Variants in SAP18 observed in about 807,000 individuals in gnomAD.
SAP18 encodes Sin3A associated protein 18.
Under a neutral mutation model 18.6 loss-of-function variants are expected in SAP18, and 4 were observed. The observed-to-expected ratio is 0.21, with a 90% CI of 0.11 to 0.49. The LOEUF (loss-of-function observed/expected upper bound fraction) is 0.49. Among genes scored for constraint, SAP18 ranks in the 20% least tolerant of loss-of-function variants. The pLI is 0.98. For synonymous variants in SAP18, 112 were observed against 82.8 expected, an observed-to-expected ratio of 1.35 and a Z score of -1.92; for missense variants, 170 against 226.4, an observed-to-expected ratio of 0.75 and a Z score of 1.60.
chr13:21,140,526 C>T (rs1869410371), exon 1 of SAP18: 10 of 1,559,532 alleles, frequency 6.4e-6, no homozygotes, highest in Non-Finnish European at 8.7e-6. Flanking sequence ...AAGTGTCGAG[C>T]TTCTCCTCGC....
chr13:21,147,192 G>A (rs1869679180), exon 4 of SAP18: 6 of 1,612,456 alleles, frequency 3.7e-6, no homozygotes, highest in Admixed American at 3.4e-5. Context: ...ACAGAGTTAA[G>A]GAGATTGGCA....
chr13:21,140,572 G>A lies in SAP18; in HGVS notation c.20G>A (p.Gly7Glu), dbSNP rs775933057. The A allele has an allele frequency of 6.3e-5, 101 of 1,602,950 alleles. No individual in the cohort carries two copies. Among genetic ancestry groups the A allele is most frequent in the Non-Finnish European group, 8.1e-5 (95 of 1,174,994 alleles). Residue 7 changes from glycine to glutamate, a missense_variant, in exon 1 of 4, where the codon GGA becomes GAA. Physicochemically the swap from Gly to Glu is moderately conservative, Grantham distance 98. Transcript: ENST00000621421. ...GTGCTCATGCTCGCTGCAGGGGTCGGAGGTCAGGGCGAGCGTCTCGCAGGC... is the reference window on the plus strand; with the variant it reads ...GTGCTCATGCTCGCTGCAGGGGTCGAAGGTCAGGGCGAGCGTCTCGCAGGC...
exon 4 of SAP18, chr13:21,147,316 C>G: frequency 6.2e-7 from 1 of 1,613,570 alleles, no homozygotes; most frequent in Non-Finnish European, 8.5e-7. Flanking sequence ...GGCACCACCT[C>G]CTTCAGGGCG....
chr13:21,140,719 T>G (rs759676201), intron 1 of SAP18, 38 bp downstream of exon 1: 2 of 1,601,494 alleles, frequency 1.2e-6, no homozygotes, highest in African/African-American at 2.7e-5. Context: ...GGGAAGAGGT[T>G]GGGGATGAGT....
intron 2 of SAP18, among the ~76,000 whole-genome samples, chr13:21,141,793 A>G (rs1451754768): frequency 1.3e-5 from 2 of 151,840 alleles, no homozygotes; most frequent in South Asian, 2.1e-4. Context: ...CAGCCTCCCA[A>G]GTAGCTGGGA....
exon 1 of SAP18, chr13:21,140,523 G>A: frequency 6.4e-7 from 1 of 1,557,776 alleles, no homozygotes; most frequent in Non-Finnish European, 8.7e-7. Flanking sequence ...ATAAAGTGTC[G>A]AGCTTCTCCT....
chr13:21,144,470 G>C (rs916480849), intron 2 of SAP18, among the ~76,000 whole-genome samples: 1 of 151,574 alleles, frequency 6.6e-6, no homozygotes, highest in African/African-American at 2.4e-5. Flanking sequence ...GATTGTGGGG[G>C]CTGTCTAGGC....
At chr13:21,146,557 C>G (rs1869657320) in intron 2 of SAP18, 1 of 291,856 alleles carries the variant, frequency 3.4e-6, no homozygotes, top group East Asian at 6.8e-5. Context: ...CATATAGAAT[C>G]TCTGAAGTCC....
chr13:21,142,561 A>G (rs930676878), intron 2 of SAP18, among the ~76,000 whole-genome samples: 8 of 151,582 alleles, frequency 5.3e-5, no homozygotes, highest in Non-Finnish European at 1.0e-4. Context: ...TCCTGACCTC[A>G]AGTGATCCAC....
chr13:21,143,001 T>G lies in SAP18; in HGVS notation c.239+2006T>G, dbSNP rs1869522674. Reference sequence around the variant, plus strand: ...TCATTTCAGTGAACTCATTACAGTATTCGTCATTTTGGCTTATTTCATGGT... The same window carrying G: ...TCATTTCAGTGAACTCATTACAGTAGTCGTCATTTTGGCTTATTTCATGGT... On this transcript the variant is annotated intron_variant, in intron 2 of 3. Transcript: ENST00000621421. 2.0e-5 allele frequency among the ~76,000 whole-genome samples: 3 copies of G among 152,240 alleles called. No individual in the cohort carries two copies. In the South Asian group the frequency reaches 6.2e-4, roughly 32 times the overall value.
upstream of SAP18, among the ~76,000 whole-genome samples, chr13:21,140,171 T>A (rs1296251332): frequency 1.3e-5 from 2 of 152,154 alleles, no homozygotes; most frequent in Non-Finnish European, 2.9e-5. Context: ...CCACGTACGC[T>A]GGCGGCCCCT....
At chr13:21,140,372 C>T (rs746341418), upstream of SAP18, 8 of 616,256 alleles carry the variant, frequency 1.3e-5, no homozygotes, top group African/African-American at 5.5e-5. Context: ...TGCTAGGCGA[C>T]GGACGCTAAG....
exon 1 of SAP18, chr13:21,140,543 C>T (rs777722330): frequency 3.2e-6 from 5 of 1,578,580 alleles, no homozygotes; most frequent in East Asian, 2.4e-5. Flanking sequence ...TCGCGAGAGA[C>T]TTAGTGCTCA....
intron 2 of SAP18, 62 bp downstream of exon 2, chr13:21,141,057 C>T: frequency 1.9e-6 from 2 of 1,042,198 alleles, no homozygotes; most frequent in Non-Finnish European, 1.5e-6. Context: ...AGTTAATTGC[C>T]TTTGCCAGTG....
At position 21,146,553 on chromosome 13, in the gene SAP18, G is replaced by C. The variant is rs148117323; in HGVS notation, c.240-252G>C. 361 of 286,470 alleles carry C rather than the reference G, an allele frequency of 1.3e-3. 1 individual carries two copies. The highest frequency in any genetic ancestry group is 3.3e-3 in the South Asian group (57 of 17,150). The allele number at this position is 286,470 out of a possible 1,614,324, so 17.7% of individuals were successfully genotyped here. On this transcript the variant is annotated intron_variant, in intron 2 of 3. Coordinates refer to ENST00000621421, the Ensembl canonical transcript of SAP18. ...GTGTAGCAACAGAAGATAGCATATA[G>C]AATCTCTGAAGTCCCTTTTAGCACT...
Position 21,146,603 on chromosome 13 carries a change from C to G in SAP18, c.240-202C>G, listed in dbSNP as rs541345203. On this transcript the variant is annotated intron_variant, in intron 2 of 3. Coordinates refer to ENST00000621421, the Ensembl canonical transcript of SAP18. ...TAAGAGTCTAATTAATTGAAATTTC[C>G]AGCAGTAAGGCTGGTACATGGAGTT... The G allele has an allele frequency of 2.4e-5, 9 of 372,736 alleles. No homozygotes were observed. The South Asian group carries it at 4.3e-4, about 18-fold the overall frequency. 23.1% of individuals were successfully genotyped at this position (372,736 alleles called of 1,614,324 possible). A position where few individuals can be genotyped will look rare whatever the true frequency, so the allele number is the denominator to read the frequency against.
At chr13:21,141,064 A>C in intron 2 of SAP18, 69 bp downstream of exon 2, 1 of 974,012 alleles carries the variant, frequency 1.0e-6, no homozygotes, top group Non-Finnish European at 1.6e-6. Flanking sequence ...TGCCTTTGCC[A>C]GTGTAGAGTT....
chr13:21,147,605 C>T, exon 4 of SAP18: 1 of 366,938 alleles, frequency 2.7e-6, no homozygotes, highest in Non-Finnish European at 4.9e-6. Context: ...TGTAATCAGC[C>T]TGAGTGTGAA....
At chr13:21,146,037 A>G (rs982613341) in intron 2 of SAP18, among the ~76,000 whole-genome samples, 10 of 152,290 alleles carry the variant, frequency 6.6e-5, no homozygotes, top group Admixed American at 2.6e-4. Context: ...TTACAATTCT[A>G]TCTAAGAAAG....
Sources: allele counts gnomAD v4.1 joint callset (sites outside exome capture counted in the v4.1 genomes callset), GRCh38; gene constraint gnomAD v4.1.1; transcripts MANE v1.5; gene names NCBI Gene and HGNC (gene_info 2026-07-23, HGNC 2026-07-21).